The following RASGRF1 variants were observed in gnomAD, a reference collection of about 807,000 sequenced individuals.
RASGRF1 encodes the protein Ras protein specific guanine nucleotide releasing factor 1, also known as ras-specific guanine nucleotide-releasing factor 1.
RASGRF1 carries 40 observed loss-of-function variants against 138.7 expected under a neutral mutation model. That is an observed-to-expected ratio of 0.29 (90% CI 0.22 to 0.38). The LOEUF (loss-of-function observed/expected upper bound fraction) is 0.38, where lower values mean the gene tolerates loss of function less well. RASGRF1 is among the 10% of genes least tolerant of loss of function. RASGRF1 has a pLI of 1.00. For missense variants in RASGRF1, 1,108 were observed against 1,650.4 expected, an observed-to-expected ratio of 0.67 and a Z score of 5.69; for synonymous variants, 614 against 663.2, an observed-to-expected ratio of 0.93 and a Z score of 1.14.
intron 2 of RASGRF1, among the ~76,000 whole-genome samples, chr15:79,063,167 T>C (rs1431468326): frequency 6.6e-6 from 1 of 152,240 alleles, no homozygotes; most frequent in African/African-American, 2.4e-5. Flanking sequence ...GTCTAATGTC[T>C]ACCTGATTAG....
At chr15:78,987,487 G>A (rs563593089) in intron 22 of RASGRF1, among the ~76,000 whole-genome samples, 46 of 152,160 alleles carry the variant, frequency 3.0e-4, no homozygotes, top group South Asian at 2.9e-3. Context: ...CCTGAGGTCC[G>A]GAGTTTGAGA....
intron 5 of RASGRF1, 144 bp from the exon 6 acceptor site, chr15:79,035,354 G>T: frequency 1.6e-6 from 1 of 631,506 alleles, no homozygotes; most frequent in Non-Finnish European, 2.8e-6. Context: ...CCGGCAGGAT[G>T]GATCATATAA....
chr15:79,033,778 C>T (rs1198025893), intron 6 of RASGRF1, among the ~76,000 whole-genome samples: 13 of 151,016 alleles, frequency 8.6e-5, no homozygotes, highest in African/African-American at 2.4e-4. Flanking sequence ...TTAGTAGAGA[C>T]GGGGTTTCAC....
chr15:79,039,985 C>G (rs1196638320), intron 5 of RASGRF1, among the ~76,000 whole-genome samples: 1 of 152,020 alleles, frequency 6.6e-6, no homozygotes, highest in African/African-American at 2.4e-5. Flanking sequence ...CCCGGGCTGG[C>G]CTTGAATTCC....
At chr15:78,984,810 G>T in intron 23 of RASGRF1, 197 bp downstream of exon 23, 1 of 629,414 alleles carries the variant, frequency 1.6e-6, no homozygotes, top group South Asian at 1.8e-5. Context: ...TACAGTCCAG[G>T]TCTCACTGCC....
chr15:79,083,420 A>C (rs999030150), intron 1 of RASGRF1, among the ~76,000 whole-genome samples: 4 of 152,216 alleles, frequency 2.6e-5, no homozygotes, highest in African/African-American at 9.6e-5. Flanking sequence ...CACCGGCTCC[A>C]TGCTCCCACA....
chr15:78,973,562 CTGA>C lies in RASGRF1; in HGVS notation c.3495-145_3495-143del. 2 of 630,030 alleles carry C rather than the reference CTGA, an allele frequency of 3.2e-6. No individual in the cohort carries two copies. The highest frequency in any genetic ancestry group is 6.0e-5 in the Admixed American group (2 of 33,100). 39.0% of individuals were successfully genotyped at this position (630,030 alleles called of 1,614,324 possible). A position where few individuals can be genotyped will look rare whatever the true frequency, so the allele number is the denominator to read the frequency against. On this transcript the variant is annotated intron_variant, in intron 24 of 26. Coordinates refer to ENST00000558480, the MANE Select transcript of RASGRF1 (RefSeq NM_001145648.3). This position sits in a 1 kb window ranked among gnomAD's most constrained non-coding sequence, Gnocchi z 4.9. ...CCAAGAATCACACTACACTCTAGAACTGACTATTCTACACGCCCAGGACTGTCG... is the reference window on the plus strand; with the variant it reads ...CCAAGAATCACACTACACTCTAGAACCTATTCTACACGCCCAGGACTGTCG...
At chr15:78,962,763 G>GT (rs2055572327) in intron 26 of RASGRF1, among the ~76,000 whole-genome samples, 1 of 152,072 alleles carries the variant, frequency 6.6e-6, no homozygotes, top group African/African-American at 2.4e-5. Context: ...TGCACCTGTG[G>GT]TTCCAGTTAC....
chr15:79,009,266 T>C (rs1225695016), intron 13 of RASGRF1, among the ~76,000 whole-genome samples: 1 of 152,150 alleles, frequency 6.6e-6, no homozygotes, highest in Non-Finnish European at 1.5e-5. Context: ...AAGTTGATCA[T>C]TTTTCCTTTA....
At position 79,032,240 on chromosome 15, in the gene RASGRF1, C is replaced by G. The variant is rs780934838; in HGVS notation, c.1035G>C (p.Gln345His). 6.2e-7 allele frequency: 1 copy of G among 1,614,122 alleles called. No individual in the cohort carries two copies. Residue 345 changes from glutamine to histidine, a missense_variant, in exon 7 of 27, where the codon CAG becomes CAC. By Grantham distance (24) the Gln-to-His change is conservative. Coordinates refer to ENST00000558480, the MANE Select transcript of RASGRF1 (RefSeq NM_001145648.3). This position sits in a 1 kb window ranked among gnomAD's most constrained non-coding sequence, Gnocchi z 4.5. ...EFVRNHQYSLQILAHCKQNRD... is the reference protein window; with the variant it reads ...EFVRNHQYSLHILAHCKQNRD... ...GGTTCTGCTTGCAGTGGGCCAGGAT[C>G]TGCAGGCTGTACTGGTGGTTGCGGA...
At chr15:78,979,847 T>G (rs1186720465) in intron 24 of RASGRF1, among the ~76,000 whole-genome samples, 1 of 152,222 alleles carries the variant, frequency 6.6e-6, no homozygotes, top group Non-Finnish European at 1.5e-5. Context: ...AAGAACAGGA[T>G]GCGGGAAGCA....
At chr15:78,995,895 C>T in intron 19 of RASGRF1, 95 bp from the exon 20 acceptor site, 1 of 1,199,418 alleles carries the variant, frequency 8.3e-7, no homozygotes, top group Non-Finnish European at 1.2e-6. Flanking sequence ...GCTCTTACGC[C>T]CCTCTGTCCT....
chr15:79,080,032 GTCA>G (rs1196383650), intron 1 of RASGRF1, among the ~76,000 whole-genome samples: 2 of 152,220 alleles, frequency 1.3e-5, no homozygotes, highest in Non-Finnish European at 2.9e-5. Flanking sequence ...TGCCCTCGAG[GTCA>G]TCATCATTTC....
At chr15:79,070,512 T>C (rs1179977045) in intron 1 of RASGRF1, among the ~76,000 whole-genome samples, 4 of 152,214 alleles carry the variant, frequency 2.6e-5, no homozygotes, top group Non-Finnish European at 5.9e-5. Flanking sequence ...ATGTTTCAGA[T>C]GACAACAAAT....
At chr15:79,074,963 G>A (rs1330687225) in intron 1 of RASGRF1, among the ~76,000 whole-genome samples, 4 of 152,142 alleles carry the variant, frequency 2.6e-5, no homozygotes, top group East Asian at 3.8e-4. Flanking sequence ...AGAAATACTC[G>A]CAGAATCAAA....
intron 22 of RASGRF1, among the ~76,000 whole-genome samples, chr15:78,986,829 A>G (rs1321339476): frequency 6.6e-6 from 1 of 152,214 alleles, no homozygotes; most frequent in Non-Finnish European, 1.5e-5. Flanking sequence ...ACTACTTAAG[A>G]ATGGAACTAC....
intron 16 of RASGRF1, 98 bp from the exon 17 acceptor site, chr15:79,000,011 C>T (rs2056485461): frequency 4.5e-6 from 6 of 1,322,394 alleles, no homozygotes; most frequent in Non-Finnish European, 5.3e-6. Flanking sequence ...GCCTTAAGAG[C>T]CAGCAGGCTG....
chr15:79,025,240 A>G (rs1307751565), intron 10 of RASGRF1, 74 bp downstream of exon 10: 2 of 1,471,222 alleles, frequency 1.4e-6, no homozygotes, highest in Admixed American at 2.3e-5. Context: ...CTGGGCCCAT[A>G]GACCCTCTGG....
chr15:78,979,240 C>A, intron 24 of RASGRF1: 1 of 1,199,394 alleles, frequency 8.3e-7, no homozygotes, highest in Non-Finnish European at 1.1e-6. Context: ...ATGGTCAAGG[C>A]GATGGCACAC....
Sources: allele counts gnomAD v4.1 joint callset (sites outside exome capture counted in the v4.1 genomes callset), GRCh38; gene constraint gnomAD v4.1.1; non-coding constraint Gnocchi (gnomAD v3.1); transcripts MANE v1.5; gene names NCBI Gene and HGNC (gene_info 2026-07-23, HGNC 2026-07-21).